PKHD1L1: variants seen among roughly 807,000 people sequenced by gnomAD.
The protein encoded by PKHD1L1 is PKHD1 like 1, also known as fibrocystin-L.
Under a neutral mutation model 462.9 loss-of-function variants are expected in PKHD1L1, and 434 were observed. The observed-to-expected ratio is 0.94, with a 90% CI of 0.87 to 1.02. PKHD1L1 has a LOEUF of 1.02. PKHD1L1 is among the 50% of genes least tolerant of loss of function. The pLI is 0.00. For missense variants in PKHD1L1, 5,202 were observed against 5,096.1 expected, an observed-to-expected ratio of 1.02 and a Z score of -0.63; for synonymous variants, 1,781 against 1,750.0, an observed-to-expected ratio of 1.02 and a Z score of -0.44.
intron 47 of PKHD1L1, 146 bp from the exon 48 acceptor site, chr8:109,461,626 G>A (rs968470821): frequency 1.2e-6 from 1 of 850,998 alleles, no homozygotes; most frequent in Non-Finnish European, 1.8e-6. Flanking sequence ...ATCTAAAAGA[G>A]GAAATGATGT....
intron 23 of PKHD1L1, among the ~76,000 whole-genome samples, chr8:109,422,786 A>C (rs931816025): frequency 1.3e-5 from 2 of 152,134 alleles, no homozygotes; most frequent in Admixed American, 6.6e-5. Flanking sequence ...TTTTTAAAGA[A>C]ACTACCATAT....
At chr8:109,381,336 C>A in intron 2 of PKHD1L1, 34 bp from the exon 3 acceptor site, 1 of 1,509,128 alleles carries the variant, frequency 6.6e-7, no homozygotes. Flanking sequence ...GATAGAATAC[C>A]ATTAATAATA....
At chr8:109,364,348 A>C (rs1811122671) in intron 1 of PKHD1L1, among the ~76,000 whole-genome samples, 199 bp from the exon 2 acceptor site, 1 of 152,240 alleles carries the variant, frequency 6.6e-6, no homozygotes. Flanking sequence ...CTTTGCACAA[A>C]GCCAGTGGGT....
chr8:109,488,634 G>A lies in PKHD1L1; in HGVS notation c.9881-1318G>A, dbSNP rs77231296. ...CATTTGTTCAAACACTGCCTATTTC[G>A]TTTTGCAACAGATCTATTTTAGAAA... is the stretch of plus-strand genomic sequence containing the variant. On this transcript the variant is annotated intron_variant, in intron 59 of 77. Coordinates refer to ENST00000378402, the MANE Select transcript of PKHD1L1 (RefSeq NM_177531.6). Among the ~76,000 whole-genome samples, 1,295 of 151,992 alleles carry A rather than the reference G, an allele frequency of 8.5e-3. 14 individuals carry two copies. The highest frequency in any genetic ancestry group is 0.029 in the African/African-American group (1,215 of 41,488).
At chr8:109,524,810 C>CTCCTTCCTTCCT (rs10653445) in intron 76 of PKHD1L1, among the ~76,000 whole-genome samples, 5 of 143,218 alleles carry the variant, frequency 3.5e-5, no homozygotes, top group African/African-American at 1.3e-4. Context: ...CCCTCCATCC[C>CTCCTTCCTTCCT]TCCTTCCTTC....
chr8:109,438,814 G>A (rs533886106), intron 31 of PKHD1L1, 83 bp from the exon 32 acceptor site: 3 of 1,059,010 alleles, frequency 2.8e-6, no homozygotes, highest in Non-Finnish European at 4.0e-6. Flanking sequence ...GATGAGAGAT[G>A]AATTGATTTA....
intron 67 of PKHD1L1, among the ~76,000 whole-genome samples, chr8:109,501,691 C>T (rs1000548689): frequency 1.3e-5 from 2 of 152,082 alleles, no homozygotes; most frequent in African/African-American, 4.8e-5. Flanking sequence ...TCCATCTTCA[C>T]CAAAAAGGCT....
At chr8:109,390,064 T>C (rs1812641274) in intron 8 of PKHD1L1, among the ~76,000 whole-genome samples, 1 of 152,198 alleles carries the variant, frequency 6.6e-6, no homozygotes, top group South Asian at 2.1e-4. Flanking sequence ...TGTTCTGTTA[T>C]AGAAGAAGGA....
chr8:109,459,474 A>C, intron 46 of PKHD1L1, 121 bp from the exon 47 acceptor site: 1 of 665,076 alleles, frequency 1.5e-6, no homozygotes, highest in Non-Finnish European at 2.3e-6. Flanking sequence ...AGAATATTAT[A>C]TGACATAAGA....
intron 70 of PKHD1L1, 119 bp downstream of exon 70, chr8:109,508,383 C>G (rs1819806982): frequency 1.5e-5 from 16 of 1,070,682 alleles, no homozygotes; most frequent in Non-Finnish European, 2.1e-5. Flanking sequence ...CCTTGTTTGC[C>G]TTCCATTTGT....
chr8:109,417,737 A>G lies in PKHD1L1; in HGVS notation c.2361-1360A>G, dbSNP rs1283531592. On this transcript the variant is annotated intron_variant, in intron 21 of 77. Coordinates refer to ENST00000378402, the MANE Select transcript of PKHD1L1 (RefSeq NM_177531.6). The stretch of plus-strand genomic sequence containing the variant: ...GCTAATTTTTTGTATTTTTAGTTAG[A>G]GATGGGGTTTCACCATATTGGTCAG... Among the ~76,000 whole-genome samples, 4 of 152,000 alleles carry G rather than the reference A, an allele frequency of 2.6e-5. No individual in the cohort carries two copies. In the East Asian group the frequency reaches 7.7e-4, roughly 29 times the overall value.
In PKHD1L1 at chr8:109,448,262, C is replaced by T. The variant is rs1816272779; in HGVS notation, c.5896C>T (p.Gln1966Ter). 1 of 1,613,216 alleles carries T rather than the reference C, an allele frequency of 6.2e-7. No individual in the cohort carries two copies. Among genetic ancestry groups the T allele is most frequent in the African/African-American group, 1.3e-5 (1 of 74,754 alleles). Residue 1966 changes from glutamine (Q) to a stop codon, truncating the protein, a stop_gained, in exon 39 of 78, where the codon CAG becomes TAG. Transcript: ENST00000378402. LOFTEE classifies it high-confidence loss of function. ...AACCATGGCCAATGATAGTGTGGTG[C>T]AGTGCATCGTGGGAGATCATGCTGG... is the stretch of plus-strand genomic sequence containing the variant. ...NVTMANDSVV[Q>*]CIVGDHAGGT...
At chr8:109,419,904 T>G (rs1452718342) in intron 22 of PKHD1L1, among the ~76,000 whole-genome samples, 1 of 124,900 alleles carries the variant, frequency 8.0e-6, no homozygotes, top group Non-Finnish European at 1.8e-5. Context: ...AGGTGGTGAG[T>G]TAACTGATTT....
chr8:109,481,814 C>A (rs1818289839), intron 56 of PKHD1L1, among the ~76,000 whole-genome samples: 2 of 151,552 alleles, frequency 1.3e-5, no homozygotes, highest in Admixed American at 6.6e-5. Flanking sequence ...TATTTTAAAC[C>A]AAAATGTAAT....
chr8:109,436,451 A>G lies in PKHD1L1; in HGVS notation c.3619A>G (p.Thr1207Ala). ...GGATTTGAATAGGATAACCTGCAGG[A>G]CACCAAAAGTAAGGCCTCTGATTTC... is the stretch of plus-strand genomic sequence containing the variant. ...EGDLNRITCR[T>A]PKKTEGTVDI... is the part of the protein sequence containing the mutation. The change falls in exon 30 of 78, where the codon ACA (threonine) becomes GCA (alanine). Residue 1207 changes from threonine to alanine, a missense_variant. By Grantham distance (58) the Thr-to-Ala change is moderately conservative (BLOSUM62 0). Coordinates refer to ENST00000378402, the MANE Select transcript of PKHD1L1 (RefSeq NM_177531.6). The G allele has an allele frequency of 1.2e-6, 2 of 1,612,294 alleles. No homozygotes were observed. The highest frequency in any genetic ancestry group is 1.7e-6 in the Non-Finnish European group (2 of 1,179,478).
chr8:109,464,406 C>G lies in PKHD1L1; in HGVS notation c.7574C>G (p.Ala2525Gly). ...RNIIYDIKGGAFFIEDGIEHG... is the reference protein window; with the variant it reads ...RNIIYDIKGGGFFIEDGIEHG... The stretch of plus-strand genomic sequence containing the variant: ...ATTATATATGATATTAAGGGAGGAG[C>G]ATTTTTTATAGAAGATGGTATTGAA... Residue 2525 changes from alanine (A) to glycine (G), a missense_variant, in exon 49 of 78, where the codon GCA becomes GGA. Transcript: ENST00000378402. The G allele has an allele frequency of 1.2e-6, 2 of 1,613,380 alleles. No individual in the cohort carries two copies. Among genetic ancestry groups the G allele is most frequent in the Non-Finnish European group, 1.7e-6 (2 of 1,179,608 alleles).
At chr8:109,461,598 G>A (rs1472022998) in intron 47 of PKHD1L1, among the ~76,000 whole-genome samples, 174 bp from the exon 48 acceptor site, 1 of 152,036 alleles carries the variant, frequency 6.6e-6, no homozygotes, top group African/African-American at 2.4e-5. Context: ...ACAAGACAAG[G>A]TACTTACCTA....
chr8:109,424,443 C>T (rs58327018), intron 23 of PKHD1L1, among the ~76,000 whole-genome samples: 1,714 of 152,190 alleles, frequency 0.011, 24 homozygotes, highest in African/African-American at 0.036. Context: ...TTTATTCATT[C>T]TGTGGTCTAG....
intron 33 of PKHD1L1, 55 bp from the exon 34 acceptor site, chr8:109,441,220 A>AG: frequency 7.9e-7 from 1 of 1,263,344 alleles, no homozygotes; most frequent in Non-Finnish European, 1.1e-6. Flanking sequence ...ATTCACAAAA[A>AG]AAAATTTGAC....
Sources: gnomAD v4.1 joint callset for allele counts (sites outside exome capture counted in the v4.1 genomes callset) on GRCh38, gnomAD v4.1.1 for gene constraint, MANE v1.5 for transcripts, NCBI Gene and HGNC (gene_info 2026-07-23, HGNC 2026-07-21) for gene names.